KLHL11: variants seen among roughly 807,000 people sequenced by gnomAD.
KLHL11 encodes kelch like family member 11.
A neutral mutation model predicts 56.1 loss-of-function variants in KLHL11; 26 were observed. The ratio of observed to expected loss-of-function variants is 0.46; its 90% CI spans 0.34 to 0.64. The LOEUF (loss-of-function observed/expected upper bound fraction) is 0.64, where lower values mean the gene tolerates loss of function less well. KLHL11 is among the 30% of genes least tolerant of loss of function. The pLI, the probability that KLHL11 is intolerant of heterozygous loss-of-function variation, is 0.01. For missense variants in KLHL11, 627 were observed against 919.4 expected (o/e 0.68, Z 4.11); for synonymous variants, 338 against 345.8 (o/e 0.98, Z 0.25).
At position 41,849,877 on chromosome 17, in the gene KLHL11, C is replaced by G. The variant is rs1359214828; in HGVS notation, c.*3863G>C. 1.3e-5 allele frequency: 2 copies of G among 152,128 alleles called. No homozygotes were observed. Among genetic ancestry groups the G allele is most frequent in the African/African-American group, 4.8e-5 (2 of 41,440 alleles). 9.4% of individuals were successfully genotyped at this position (152,128 alleles called of 1,614,324 possible). On this transcript the variant is annotated 3_prime_UTR_variant, in exon 2 of 2. Transcript: ENST00000319121. ...ATTCTAAGATATAAGTAGCCTCACTCAAAGTTACATATACTATTACTTTTT... is the reference window on the plus strand; with the variant it reads ...ATTCTAAGATATAAGTAGCCTCACTGAAAGTTACATATACTATTACTTTTT...
Position 41,854,117 on chromosome 17 carries a change from C to T in KLHL11, c.1750G>A (p.Val584Met), listed in dbSNP as rs150962188. 6 of 1,614,074 alleles carry T rather than the reference C, an allele frequency of 3.7e-6. No individual in the cohort carries two copies. In the African/African-American group the frequency reaches 8.0e-5, roughly 22 times the overall value. Residue 584 changes from valine to methionine, a missense_variant, in exon 2 of 2, where the codon GTG becomes ATG. Val to Met is a conservative substitution (Grantham distance 21). Around this residue, in one of 4 missense-constraint regions of KLHL11, gnomAD observed 250 missense variants for 360.6 expected, o/e 0.69. Transcript: ENST00000319121. This position sits in a 1 kb window ranked among gnomAD's most constrained non-coding sequence, Gnocchi z 4.9. ...AAGCTTTCAAGGATCTCATCAGACACTTGGCTGGCAATTTTTCTTACTGCC... is the reference window on the plus strand; with the variant it reads ...AAGCTTTCAAGGATCTCATCAGACATTTGGCTGGCAATTTTTCTTACTGCC... The part of the protein sequence containing the change: ...EEAVRKIASQ[V>M]SDEILESLPP...
In KLHL11 at chr17:41,848,892, A is replaced by G. The variant is rs1369181468; in HGVS notation, c.*4848T>C. 6.5e-6 allele frequency: 1 copy of G among 152,846 alleles called. No homozygotes were observed. The highest frequency in any genetic ancestry group is 2.4e-5 in the African/African-American group (1 of 41,462). The allele number at this position is 152,846 out of a possible 1,614,324, so 9.5% of individuals were successfully genotyped here. A position where few individuals can be genotyped will look rare whatever the true frequency, so the allele number is the denominator to read the frequency against. On this transcript the variant is annotated 3_prime_UTR_variant, in exon 2 of 2. Coordinates refer to ENST00000319121, the MANE Select transcript of KLHL11 (RefSeq NM_018143.3). ...TCTGCAGTCTGTGCTTCAATGTAAG[A>G]CATTCGTAGTGATGGTCACTGAGTA...
chr17:41,865,241 C>G lies in KLHL11; in HGVS notation c.130G>C (p.Gly44Arg), dbSNP rs782637674. The G allele has an allele frequency of 1.9e-5, 30 of 1,593,264 alleles. No homozygotes were observed. Among genetic ancestry groups the G allele is most frequent in the African/African-American group, 2.7e-5 (2 of 73,436 alleles). The part of the protein sequence containing the change: ...AGLAAEVRGS[G>R]TVDFGPGPGI... Reference sequence around the variant, plus strand: ...GGCCCAGGCCCGAAGTCCACCGTGCCGCTGCCTCGGACCTCGGCGGCCAGT... The same window carrying G: ...GGCCCAGGCCCGAAGTCCACCGTGCGGCTGCCTCGGACCTCGGCGGCCAGT... The change falls in exon 1 of 2, where the codon GGC (glycine) becomes CGC (arginine). Residue 44 changes from glycine to arginine, a missense_variant. Gly to Arg is a moderately radical substitution (Grantham distance 125). This residue lies in a region of KLHL11 where 121 missense variants were observed against 116.2 expected (regional missense o/e 1.04). Coordinates refer to ENST00000319121, the MANE Select transcript of KLHL11 (RefSeq NM_018143.3).
rs2048330705 is a variant in KLHL11, at chr17:41,851,294, T to G, written c.*2446A>C. ...TGTAAACTGTTAGGAATCCTTTATA[T>G]TAACTGAGCATTAAGAGTAAATTTG... On this transcript the variant is annotated 3_prime_UTR_variant, in exon 2 of 2. Transcript: ENST00000319121. The G allele has an allele frequency of 1.3e-5, 2 of 152,126 alleles. No individual in the cohort carries two copies. Among genetic ancestry groups the G allele is most frequent in the African/African-American group, 4.8e-5 (2 of 41,416 alleles). 9.4% of individuals were successfully genotyped at this position (152,126 alleles called of 1,614,324 possible).
intron 1 of KLHL11, among the ~76,000 whole-genome samples, chr17:41,864,360 A>G (rs1404392827): frequency 1.3e-5 from 2 of 152,152 alleles, no homozygotes; most frequent in Non-Finnish European, 2.9e-5. Context: ...GCCTCACTGG[A>G]CTATATTTTA....
intron 1 of KLHL11, among the ~76,000 whole-genome samples, chr17:41,859,710 T>C (rs2048391091): frequency 6.6e-6 from 1 of 152,182 alleles, no homozygotes; most frequent in African/African-American, 2.4e-5. Flanking sequence ...ATCACGCCAC[T>C]GCACTCCATC....
At chr17:41,864,412 T>C (rs2144167473) in intron 1 of KLHL11, among the ~76,000 whole-genome samples, 1 of 152,344 alleles carries the variant, frequency 6.6e-6, no homozygotes, top group Middle Eastern at 3.4e-3. Flanking sequence ...CTGAGGGCGT[T>C]TGCGCTGTCT....
chr17:41,864,863 T>C lies in KLHL11; in HGVS notation c.508A>G (p.Thr170Ala), dbSNP rs1201278399. Residue 170 changes from threonine (T) to alanine (A), a missense_variant, in exon 1 of 2, where the codon ACG (threonine) becomes GCG (alanine). Thr to Ala is a moderately conservative substitution (Grantham distance 58). This residue lies in a region of KLHL11 where 150 missense variants were observed against 215.7 expected (regional missense o/e 0.70). Coordinates refer to ENST00000319121, the MANE Select transcript of KLHL11 (RefSeq NM_018143.3). ...YMYTGRIRVSTGSVHEVLELA... is the reference protein window; with the variant it reads ...YMYTGRIRVSAGSVHEVLELA... ...TCCAGCACCTCGTGCACGCTGCCCG[T>C]GCTGACGCGGATGCGCCCGGTGTAC... The C allele has an allele frequency of 1.9e-6, 3 of 1,567,910 alleles. No homozygotes were observed. The highest frequency in any genetic ancestry group is 2.6e-6 in the Non-Finnish European group (3 of 1,153,970).
intron 1 of KLHL11, among the ~76,000 whole-genome samples, chr17:41,855,674 ATTTT>A (rs782123336): frequency 7.6e-6 from 1 of 132,436 alleles, no homozygotes. Flanking sequence ...CCCGGCCTAC[ATTTT>A]TTTTTTTTTT....
chr17:41,864,824 A>G lies in KLHL11; in HGVS notation c.545+2T>C. The G allele has an allele frequency of 6.7e-7, 1 of 1,487,144 alleles. No individual in the cohort carries two copies. Among genetic ancestry groups the G allele is most frequent in the Non-Finnish European group, 9.0e-7 (1 of 1,113,568 alleles). 92.1% of individuals were successfully genotyped at this position (1,487,144 alleles called of 1,614,324 possible). Reference sequence around the variant, plus strand: ...CTCCGCGCTCCCGCCTCCCTCGCCTACCTGTCGGCCAACTCCAGCACCTCG... The same window carrying G: ...CTCCGCGCTCCCGCCTCCCTCGCCTGCCTGTCGGCCAACTCCAGCACCTCG... On this transcript the variant is annotated splice_donor_variant, in intron 1 of 1. Transcript: ENST00000319121. LOFTEE classifies it high-confidence loss of function.
In KLHL11 at chr17:41,853,449, G is replaced by T; in HGVS notation, c.*291C>A. ...CAAGACAAAGGAGTCATAACTCGTT[G>T]GCAGGAAAACAGCTAAGCAACTACA... On this transcript the variant is annotated 3_prime_UTR_variant, in exon 2 of 2. Coordinates refer to ENST00000319121, the MANE Select transcript of KLHL11 (RefSeq NM_018143.3). The T allele has an allele frequency of 3.5e-6, 1 of 285,382 alleles. No individual in the cohort carries two copies. The highest frequency in any genetic ancestry group is 6.5e-6 in the Non-Finnish European group (1 of 154,070). 17.7% of individuals were successfully genotyped at this position (285,382 alleles called of 1,614,324 possible).
Position 41,851,614 on chromosome 17 carries a change from A to AG in KLHL11, c.*2125_*2126insC. ...GTGACTGTTTCAAAAAAAAAAAAAA[A>AG]AGTTATTTTGAGGCCGGGCGTGGTG... is the stretch of plus-strand genomic sequence containing the variant. On this transcript the variant is annotated 3_prime_UTR_variant, in exon 2 of 2. Transcript: ENST00000319121. Among the ~76,000 whole-genome samples, 1 of 151,876 alleles carries AG rather than the reference A, an allele frequency of 6.6e-6. No homozygotes were observed. Among genetic ancestry groups the AG allele is most frequent in the South Asian group, 2.1e-4 (1 of 4,804 alleles).
chr17:41,854,533 G>T lies in KLHL11; in HGVS notation c.1334C>A (p.Ser445Tyr). The T allele has an allele frequency of 6.2e-7, 1 of 1,614,176 alleles. No individual in the cohort carries two copies. The highest frequency in any genetic ancestry group is 8.5e-7 in the Non-Finnish European group (1 of 1,180,022). The change falls in exon 2 of 2, where the codon TCT becomes TAT. Residue 445 changes from serine to tyrosine, a missense_variant. Physicochemically the swap from Ser to Tyr is moderately radical, Grantham distance 144 (BLOSUM62 -2). Around this residue, in one of 4 missense-constraint regions of KLHL11, gnomAD observed 250 missense variants for 360.6 expected, o/e 0.69. Coordinates refer to ENST00000319121, the MANE Select transcript of KLHL11 (RefSeq NM_018143.3). The surrounding 1 kb of genome is among the most constrained non-coding windows in gnomAD (Gnocchi z 4.9). The part of the protein sequence containing the change: ...HVCSLMTRKH[S>Y]FGLTEVKGKL... ...CCCTTTGACTTCTGTTAGTCCAAAA[G>T]AATGCTTTCTTGTCATCAGACTACA...
rs1487140660 is a variant in KLHL11, at chr17:41,853,797, C to T, written c.2070G>A (p.Glu690=). 2.5e-6 allele frequency: 4 copies of T among 1,614,176 alleles called. No individual in the cohort carries two copies. Among genetic ancestry groups the T allele is most frequent in the Non-Finnish European group, 2.5e-6 (3 of 1,180,030 alleles). ...TCATGTTCAGGGCGTGACGATGTAT[C>T]TCTTGCATCTGTCTGATGCGGTCCT... The part of the protein sequence containing the change: ...WQKDRIRQMQ[E]IHRHALNMRR... The change falls in exon 2 of 2, where the codon GAG becomes GAA. Residue 690 remains glutamate, a synonymous_variant. Transcript: ENST00000319121.
In KLHL11 at chr17:41,853,791, A is replaced by C; in HGVS notation, c.2076T>G (p.His692Gln). 6.2e-7 allele frequency: 1 copy of C among 1,614,182 alleles called. No individual in the cohort carries two copies. Among genetic ancestry groups the C allele is most frequent in the Non-Finnish European group, 8.5e-7 (1 of 1,180,008 alleles). Residue 692 changes from histidine (H) to glutamine (Q), a missense_variant, in exon 2 of 2, where the codon CAT becomes CAG. His to Gln is a conservative substitution (Grantham distance 24). This residue lies in a region of KLHL11 where 250 missense variants were observed against 360.6 expected (regional missense o/e 0.69). Transcript: ENST00000319121. ...KDRIRQMQEI[H>Q]RHALNMRRVP... ...CTCGCCTCATGTTCAGGGCGTGACG[A>C]TGTATCTCTTGCATCTGTCTGATGC... is the stretch of plus-strand genomic sequence containing the variant.
At position 41,851,896 on chromosome 17, in the gene KLHL11, GT is replaced by G. The variant is rs1475135895; in HGVS notation, c.*1843del. ...ACTGTACTCCAACCTGGGTGACAAAGTGGGACCCCATCCCCTGGCCCAAAAA... is the reference window on the plus strand; with the variant it reads ...ACTGTACTCCAACCTGGGTGACAAAGGGGACCCCATCCCCTGGCCCAAAAA... On this transcript the variant is annotated 3_prime_UTR_variant, in exon 2 of 2. Coordinates refer to ENST00000319121, the MANE Select transcript of KLHL11 (RefSeq NM_018143.3). Among the ~76,000 whole-genome samples the G allele has an allele frequency of 1.3e-5, 2 of 151,400 alleles. No individual in the cohort carries two copies. The highest frequency in any genetic ancestry group is 1.5e-5 in the Non-Finnish European group (1 of 67,928).
intron 1 of KLHL11, among the ~76,000 whole-genome samples, chr17:41,862,754 G>T (rs538555317): frequency 6.6e-6 from 1 of 151,954 alleles, no homozygotes; most frequent in African/African-American, 2.4e-5. Context: ...CTCTCTCCCC[G>T]CTGCCCCTTT....
rs1555622119 is a variant in KLHL11, at chr17:41,852,955, C to T, written c.*785G>A. On this transcript the variant is annotated 3_prime_UTR_variant, in exon 2 of 2. Coordinates refer to ENST00000319121, the MANE Select transcript of KLHL11 (RefSeq NM_018143.3). ...AAAAATGTTGAAAAAATTTTAAATG[C>T]CTTTGATTTCCCAGTCTACACTAAT... 6.6e-6 allele frequency among the ~76,000 whole-genome samples: 1 copy of T among 151,954 alleles called. No homozygotes were observed. Among genetic ancestry groups the T allele is most frequent in the Admixed American group, 6.6e-5 (1 of 15,228 alleles).
intron 1 of KLHL11, among the ~76,000 whole-genome samples, chr17:41,856,421 G>T (rs576795730): frequency 1.3e-5 from 2 of 152,052 alleles, no homozygotes; most frequent in African/African-American, 4.8e-5. Flanking sequence ...GGGATTACAG[G>T]TGTGAGCCAC....
Sources: gnomAD v4.1 joint callset for allele counts (sites outside exome capture counted in the v4.1 genomes callset) on GRCh38, gnomAD v4.1.1 for gene constraint, gnomAD v4.1.1 regional missense constraint, Gnocchi (gnomAD v3.1) non-coding constraint, MANE v1.5 for transcripts, NCBI Gene and HGNC (gene_info 2026-07-23, HGNC 2026-07-21) for gene names.